ALK: variants seen among roughly 807,000 people sequenced by gnomAD.
ALK encodes ALK receptor tyrosine kinase, also known as ALK tyrosine kinase receptor.
In ALK, 74 loss-of-function variants were observed where a neutral mutation model predicts 163.1. The ratio of observed to expected loss-of-function variants is 0.45; its 90% confidence interval spans 0.38 to 0.55. The LOEUF is 0.55. Among genes scored for constraint, ALK ranks in the 20% least tolerant of loss-of-function variants. The pLI is 0.00. For missense variants in ALK, 2,063 were observed against 2,105.3 expected, an observed-to-expected ratio of 0.98 and a Z score of 0.39; for synonymous variants, 960 against 843.2, an observed-to-expected ratio of 1.14 and a Z score of -2.40.
At chr2:29,826,341 G>A (rs958666018) in intron 1 of ALK, among the ~76,000 whole-genome samples, 1 of 151,746 alleles carries the variant, frequency 6.6e-6, no homozygotes, top group Admixed American at 6.6e-5. Context: ...AGTTTGTGGT[G>A]TTTGGGCTTG....
chr2:29,862,577 T>G (rs1007248098), intron 1 of ALK, among the ~76,000 whole-genome samples: 1 of 152,124 alleles, frequency 6.6e-6, no homozygotes, highest in Non-Finnish European at 1.5e-5. Context: ...ATGTGAAAGA[T>G]CTGAACACTG....
intron 3 of ALK, among the ~76,000 whole-genome samples, chr2:29,534,912 C>T (rs960477873): frequency 3.3e-5 from 5 of 152,158 alleles, no homozygotes; most frequent in Admixed American, 2.0e-4. Flanking sequence ...TTTTCTGCAA[C>T]CGGACTATCA....
At chr2:29,291,490 A>C (rs1666021438) in intron 9 of ALK, among the ~76,000 whole-genome samples, 1 of 152,190 alleles carries the variant, frequency 6.6e-6, no homozygotes, top group African/African-American at 2.4e-5. Flanking sequence ...CCTAAAGTTT[A>C]AGGGAAAATT....
At chr2:29,783,865 G>A (rs1663918961) in intron 1 of ALK, among the ~76,000 whole-genome samples, 1 of 152,114 alleles carries the variant, frequency 6.6e-6, no homozygotes, top group South Asian at 2.1e-4. Flanking sequence ...GGTGGCCTGA[G>A]CACCCATCCC....
intron 1 of ALK, among the ~76,000 whole-genome samples, chr2:29,863,804 C>T (rs6753532): frequency 0.79 from 119,702 of 152,004 alleles, 47,414 homozygotes; most frequent in Non-Finnish European, 0.83. Context: ...GAAATCAGTA[C>T]GTCAAAGAGA....
At chr2:29,557,637 G>A (rs1673899967) in intron 3 of ALK, among the ~76,000 whole-genome samples, 1 of 152,136 alleles carries the variant, frequency 6.6e-6, no homozygotes. Context: ...GAAATAGACT[G>A]TAAGTACCTC....
At chr2:29,518,858 G>A (rs561767282) in intron 4 of ALK, among the ~76,000 whole-genome samples, 1 of 152,346 alleles carries the variant, frequency 6.6e-6, no homozygotes, top group African/African-American at 2.4e-5. Flanking sequence ...TGAAATAGGA[G>A]AAGGAACTAT....
chr2:29,462,942 G>A (rs999718504), intron 4 of ALK, among the ~76,000 whole-genome samples: 3 of 152,074 alleles, frequency 2.0e-5, no homozygotes, highest in Non-Finnish European at 2.9e-5. Flanking sequence ...AGGCACAAGA[G>A]CAAAATGTAA....
chr2:29,746,909 A>G, intron 1 of ALK, among the ~76,000 whole-genome samples: 1 of 152,232 alleles, frequency 6.6e-6, no homozygotes, highest in East Asian at 1.9e-4. Flanking sequence ...ATAAGCCATG[A>G]GGATGTTATG....
At chr2:29,357,988 A>G (rs1668292904) in intron 5 of ALK, among the ~76,000 whole-genome samples, 1 of 152,244 alleles carries the variant, frequency 6.6e-6, no homozygotes, top group Non-Finnish European at 1.5e-5. Context: ...CATTTGGTCC[A>G]CTATTTTACA....
intron 1 of ALK, among the ~76,000 whole-genome samples, chr2:29,899,945 T>C (rs1398935549): frequency 6.6e-6 from 1 of 152,246 alleles, no homozygotes; most frequent in Non-Finnish European, 1.5e-5. Context: ...ACTAGAAGGT[T>C]CAGGATGCAC....
At chr2:29,386,563 A>G (rs1055266543) in intron 4 of ALK, among the ~76,000 whole-genome samples, 1 of 152,242 alleles carries the variant, frequency 6.6e-6, no homozygotes, top group African/African-American at 2.4e-5. Flanking sequence ...TGCCAAAATC[A>G]TAGCTCTCTG....
intron 3 of ALK, among the ~76,000 whole-genome samples, chr2:29,534,747 C>A (rs941425100): frequency 3.3e-5 from 5 of 152,210 alleles, no homozygotes; most frequent in Non-Finnish European, 5.9e-5. Context: ...GGACTAGGGG[C>A]TCTTTCTGTG....
chr2:29,635,777 ATTT>A (rs1553340446), intron 3 of ALK, among the ~76,000 whole-genome samples: 6 of 90,596 alleles, frequency 6.6e-5, no homozygotes, highest in African/African-American at 1.5e-4. Flanking sequence ...TAATTTTTGT[ATTT>A]TTTTTTTTTA....
At chr2:29,466,820 T>C (rs1671224708) in intron 4 of ALK, among the ~76,000 whole-genome samples, 1 of 152,260 alleles carries the variant, frequency 6.6e-6, no homozygotes, top group African/African-American at 2.4e-5. Context: ...TGGTAACTTG[T>C]CTGCAAGACA....
At chr2:29,500,341 C>T (rs1672140206) in intron 4 of ALK, among the ~76,000 whole-genome samples, 2 of 152,084 alleles carry the variant, frequency 1.3e-5, no homozygotes, top group Admixed American at 1.3e-4. Context: ...TGCTACCGCT[C>T]TTGCTCTTGC....
intron 4 of ALK, among the ~76,000 whole-genome samples, chr2:29,444,040 G>A (rs1162915743): frequency 1.3e-5 from 2 of 152,164 alleles, no homozygotes; most frequent in African/African-American, 4.8e-5. Context: ...ATATGAATTG[G>A]CATTGGTTCT....
chr2:29,230,460 G>T (rs1252467742), intron 15 of ALK, among the ~76,000 whole-genome samples: 1 of 152,146 alleles, frequency 6.6e-6, no homozygotes, highest in African/African-American at 2.4e-5. Flanking sequence ...AGAAACAGCA[G>T]TGTGTGTGTC....
intron 1 of ALK, among the ~76,000 whole-genome samples, chr2:29,819,756 G>A (rs1045751903): frequency 2.0e-5 from 3 of 152,134 alleles, no homozygotes; most frequent in African/African-American, 7.2e-5. Flanking sequence ...TGTTCTGAAT[G>A]TTTCAGCTCC....
Sources: gnomAD v4.1 joint callset for allele counts (sites outside exome capture counted in the v4.1 genomes callset) on GRCh38, gnomAD v4.1.1 for gene constraint, MANE v1.5 for transcripts, NCBI Gene and HGNC (gene_info 2026-07-23, HGNC 2026-07-21) for gene names.